VRK1: variants seen among roughly 807,000 people sequenced by gnomAD.
The protein encoded by VRK1 is VRK serine/threonine kinase 1, also known as serine/threonine-protein kinase VRK1.
Under a neutral mutation model 57.1 loss-of-function variants are expected in VRK1, and 33 were observed. The observed-to-expected ratio is 0.58, with a 90% confidence interval of 0.44 to 0.77. The LOEUF is 0.77. Among genes scored for constraint, VRK1 ranks in the 30% least tolerant of loss-of-function variants. The probability of loss-of-function intolerance (pLI) is 0.00; values close to 1 mark genes in which losing one functional copy is unlikely to be tolerated. For synonymous variants in VRK1, 137 were observed against 147.8 expected (o/e 0.93, Z 0.53); for missense variants, 413 against 477.3 (o/e 0.87, Z 1.25).
intron 1 of VRK1, among the ~76,000 whole-genome samples, chr14:96,806,413 G>A (rs1169690891): frequency 1.3e-5 from 2 of 152,202 alleles, no homozygotes; most frequent in East Asian, 1.9e-4. Flanking sequence ...TTTACAGTGA[G>A]TACAAACCTG....
chr14:96,808,018 T>TCTCCCTCTCTCC (rs1566683615), intron 1 of VRK1, among the ~76,000 whole-genome samples: 1,191 of 5,586 alleles, frequency 0.21, 43 homozygotes, highest in East Asian at 0.5. Flanking sequence ...TCTCTCCCTC[T>TCTCCCTCTCTCC]GTGTGTGTGT....
At chr14:96,831,936 A>T (rs1454271634) in intron 1 of VRK1, among the ~76,000 whole-genome samples, 1 of 152,206 alleles carries the variant, frequency 6.6e-6, no homozygotes. Context: ...AGTCTAGGCT[A>T]GCTTGGTTGG....
chr14:96,806,651 A>G (rs1885889415), intron 1 of VRK1, among the ~76,000 whole-genome samples: 1 of 152,226 alleles, frequency 6.6e-6, no homozygotes, highest in African/African-American at 2.4e-5. Flanking sequence ...TTAACTGCAA[A>G]CTGTATACAT....
chr14:96,856,543 T>G lies in VRK1; in HGVS notation c.846T>G (p.Ile282Met). ...TTTTTAACAGATACAGAGAAAATAT[T>G]GCAAGTTTGATGGACAAATGTTTTC... ...RDSKIRYREN[I>M]ASLMDKCFPE... Residue 282 changes from isoleucine to methionine, a missense_variant, in exon 10 of 13, where the codon ATT becomes ATG. Ile to Met is a conservative substitution (Grantham distance 10, BLOSUM62 1). This residue lies in a region of VRK1 where 146 missense variants were observed against 138.2 expected (regional missense o/e 1.06). Coordinates refer to ENST00000216639, the MANE Select transcript of VRK1 (RefSeq NM_003384.3). 6.2e-7 allele frequency: 1 copy of G among 1,613,668 alleles called. No homozygotes were observed. The highest frequency in any genetic ancestry group is 8.5e-7 in the Non-Finnish European group (1 of 1,179,656).
intron 1 of VRK1, among the ~76,000 whole-genome samples, chr14:96,800,959 G>A (rs1157392191): frequency 6.6e-6 from 1 of 152,126 alleles, no homozygotes; most frequent in African/African-American, 2.4e-5. Context: ...CACGTGTCTT[G>A]TGGAGCTCAG....
chr14:96,866,857 GT>G (rs1194085757), intron 11 of VRK1, among the ~76,000 whole-genome samples: 1 of 152,132 alleles, frequency 6.6e-6, no homozygotes, highest in Non-Finnish European at 1.5e-5. Flanking sequence ...GTTATTTTGG[GT>G]TCATTACTTC....
chr14:96,840,380 G>A (rs1269308085), intron 3 of VRK1, among the ~76,000 whole-genome samples: 1 of 152,132 alleles, frequency 6.6e-6, no homozygotes, highest in Non-Finnish European at 1.5e-5. Context: ...GTGCAGGGAA[G>A]CGGAAGCAAA....
intron 12 of VRK1, among the ~76,000 whole-genome samples, chr14:96,880,866 A>G (rs1052602803): frequency 6.6e-6 from 1 of 152,232 alleles, no homozygotes; most frequent in Non-Finnish European, 1.5e-5. Flanking sequence ...CAACAAATTT[A>G]AATTTTGGAG....
chr14:96,813,238 G>A (rs1480914038), intron 1 of VRK1, among the ~76,000 whole-genome samples: 2 of 152,164 alleles, frequency 1.3e-5, no homozygotes, highest in African/African-American at 2.4e-5. Context: ...AACACTGCTC[G>A]GTGCTGACTG....
At chr14:96,857,674 G>A (rs887088705) in intron 10 of VRK1, among the ~76,000 whole-genome samples, 2 of 152,198 alleles carry the variant, frequency 1.3e-5, no homozygotes, top group Admixed American at 6.5e-5. Flanking sequence ...CAGCCAAAGA[G>A]TGAGAATTGG....
intron 1 of VRK1, among the ~76,000 whole-genome samples, chr14:96,800,952 G>A (rs891788695): frequency 1.3e-5 from 2 of 152,078 alleles, no homozygotes; most frequent in Admixed American, 6.6e-5. Flanking sequence ...GGAAGGACAC[G>A]TGTCTTGTGG....
At chr14:96,854,321 A>G (rs1054910192) in intron 7 of VRK1, among the ~76,000 whole-genome samples, 1 of 152,174 alleles carries the variant, frequency 6.6e-6, no homozygotes, top group South Asian at 2.1e-4. Flanking sequence ...TGACTAAAAC[A>G]TGCTGCCTTT....
At chr14:96,864,256 T>A (rs1041583817) in intron 11 of VRK1, among the ~76,000 whole-genome samples, 1 of 151,198 alleles carries the variant, frequency 6.6e-6, no homozygotes, top group African/African-American at 2.4e-5. Flanking sequence ...TTGTTACGTA[T>A]GTATAGAAAA....
At chr14:96,833,718 G>C in intron 2 of VRK1, 87 bp downstream of exon 2, 2 of 1,583,958 alleles carry the variant, frequency 1.3e-6, no homozygotes, top group Non-Finnish European at 1.7e-6. Flanking sequence ...GCTGTTATGG[G>C]ATGTTCCTAA....
chr14:96,861,114 G>A lies in VRK1; in HGVS notation c.1068+379G>A, dbSNP rs117303561. On this transcript the variant is annotated intron_variant, in intron 11 of 12. Coordinates refer to ENST00000216639, the MANE Select transcript of VRK1 (RefSeq NM_003384.3). The stretch of plus-strand genomic sequence containing the variant: ...GTCAGAGTATTTACCAGTTGAAAAC[G>A]GGCATTTGAAAAATTACCATTTGAA... Among the ~76,000 whole-genome samples, 25 of 152,136 alleles carry A rather than the reference G, an allele frequency of 1.6e-4. 1 individual carries two copies. In the East Asian group the frequency reaches 4.8e-3, roughly 29 times the overall value.
intron 12 of VRK1, among the ~76,000 whole-genome samples, chr14:96,877,054 T>A (rs1208814969): frequency 2.6e-5 from 4 of 151,912 alleles, no homozygotes; most frequent in Non-Finnish European, 5.9e-5. Flanking sequence ...TTAAAAAGAT[T>A]TTTCCTGTCT....
At chr14:96,799,327 T>C (rs553592505) in intron 1 of VRK1, among the ~76,000 whole-genome samples, 1 of 134,884 alleles carries the variant, frequency 7.4e-6, no homozygotes, top group East Asian at 2.1e-4. Context: ...ATAGGCCAGC[T>C]TTTTTTTTTA....
At chr14:96,823,052 C>A (rs1886662649) in intron 1 of VRK1, among the ~76,000 whole-genome samples, 1 of 152,204 alleles carries the variant, frequency 6.6e-6, no homozygotes, top group African/African-American at 2.4e-5. Context: ...AGTCCTTGTT[C>A]CAATGAGCAA....
chr14:96,841,964 A>G (rs1887481856), intron 3 of VRK1, among the ~76,000 whole-genome samples: 1 of 152,102 alleles, frequency 6.6e-6, no homozygotes, highest in South Asian at 2.1e-4. Flanking sequence ...ATAAACACCT[A>G]CAGCACTCAT....
Sources: allele counts gnomAD v4.1 joint callset (sites outside exome capture counted in the v4.1 genomes callset), GRCh38; gene constraint gnomAD v4.1.1; regional missense constraint gnomAD v4.1.1; transcripts MANE v1.5; gene names NCBI Gene and HGNC (gene_info 2026-07-23, HGNC 2026-07-21).